Variants in REV3L observed in about 807,000 individuals in gnomAD.
REV3L encodes the protein DNA polymerase zeta catalytic subunit.
REV3L carries 69 observed loss-of-function variants against 299.4 expected under a neutral mutation model. That is an observed-to-expected ratio of 0.23 (90% CI 0.19 to 0.28). The LOEUF (loss-of-function observed/expected upper bound fraction) is 0.28, where lower values mean the gene tolerates loss of function less well. Among genes scored for constraint, REV3L ranks in the 10% least tolerant of loss-of-function variants. The pLI is 1.00. For synonymous variants in REV3L, 1,238 were observed against 1,271.4 expected (o/e 0.97, Z 0.56); for missense variants, 3,128 against 3,693.8 (o/e 0.85, Z 3.97).
intron 3 of REV3L, among the ~76,000 whole-genome samples, chr6:111,408,310 T>C (rs1165016230): frequency 6.6e-6 from 1 of 152,068 alleles, no homozygotes; most frequent in Non-Finnish European, 1.5e-5. Flanking sequence ...ATTCTTAAAA[T>C]GTTATTGAGG....
chr6:111,467,987 C>T (rs1286450657), intron 1 of REV3L, among the ~76,000 whole-genome samples: 2 of 152,144 alleles, frequency 1.3e-5, no homozygotes, highest in African/African-American at 4.8e-5. Context: ...CTAAGTTACA[C>T]AGAGTATTTT....
intron 26 of REV3L, among the ~76,000 whole-genome samples, chr6:111,316,857 T>C (rs1773590018): frequency 6.6e-6 from 1 of 152,192 alleles, no homozygotes; most frequent in Non-Finnish European, 1.5e-5. Context: ...ATCATGTTAC[T>C]TGGTAATGAA....
intron 1 of REV3L, among the ~76,000 whole-genome samples, chr6:111,432,907 C>A (rs1273666748): frequency 6.6e-6 from 1 of 152,080 alleles, no homozygotes; most frequent in Non-Finnish European, 1.5e-5. Context: ...CTTAAAAATA[C>A]ACAAACACAT....
At chr6:111,359,281 T>C (rs1778401394) in intron 16 of REV3L, among the ~76,000 whole-genome samples, 1 of 152,112 alleles carries the variant, frequency 6.6e-6, no homozygotes, top group African/African-American at 2.4e-5. Flanking sequence ...GCAGGATCTC[T>C]CAATGCCTGT....
intron 3 of REV3L, 133 bp from the exon 4 acceptor site, chr6:111,405,763 T>C (rs1783554580): frequency 1.7e-6 from 1 of 573,446 alleles, no homozygotes; most frequent in East Asian, 3.4e-5. Flanking sequence ...TACCGGAAAT[T>C]TGTATTTTGT....
chr6:111,309,436 C>A (rs546352049), intron 30 of REV3L: 1 of 153,446 alleles, frequency 6.5e-6, no homozygotes, highest in African/African-American at 2.4e-5. Flanking sequence ...CATGCCAGTG[C>A]CTCTCGGTGT....
intron 13 of REV3L, 103 bp downstream of exon 13, chr6:111,372,493 G>T: frequency 1.2e-6 from 1 of 842,766 alleles, no homozygotes; most frequent in Non-Finnish European, 1.7e-6. Flanking sequence ...CTAGCAGTCA[G>T]GTAACCAAAT....
chr6:111,394,427 G>C (rs1782259064), intron 4 of REV3L, among the ~76,000 whole-genome samples: 1 of 152,222 alleles, frequency 6.6e-6, no homozygotes. Context: ...CCGGCCATTT[G>C]TATGTCTTCT....
At chr6:111,393,193 T>G (rs544316323) in intron 4 of REV3L, among the ~76,000 whole-genome samples, 1 of 152,198 alleles carries the variant, frequency 6.6e-6, no homozygotes, top group South Asian at 2.1e-4. Context: ...AAATTTTTTT[T>G]GTATTTTTAG....
chr6:111,406,836 A>C (rs1783681541), intron 3 of REV3L, among the ~76,000 whole-genome samples: 1 of 152,192 alleles, frequency 6.6e-6, no homozygotes, highest in Non-Finnish European at 1.5e-5. Context: ...AATAATAATC[A>C]TTTTATTAAC....
At chr6:111,406,277 A>G (rs1202143537) in intron 3 of REV3L, among the ~76,000 whole-genome samples, 2 of 152,210 alleles carry the variant, frequency 1.3e-5, no homozygotes, top group Admixed American at 6.5e-5. Flanking sequence ...GCACATGTAA[A>G]GGGTCACGAG....
intron 26 of REV3L, among the ~76,000 whole-genome samples, chr6:111,320,638 T>C (rs1038847570): frequency 6.6e-6 from 1 of 152,082 alleles, no homozygotes; most frequent in Non-Finnish European, 1.5e-5. Flanking sequence ...CATACAGATG[T>C]CACTAAACGT....
At chr6:111,339,244 C>A (rs1419973506) in intron 21 of REV3L, among the ~76,000 whole-genome samples, 1 of 151,936 alleles carries the variant, frequency 6.6e-6, no homozygotes, top group Non-Finnish European at 1.5e-5. Context: ...TTAATTCTTA[C>A]TTCACTTCAT....
chr6:111,440,949 A>G lies in REV3L; in HGVS notation c.140-24477T>C, dbSNP rs1408801918. ...CTTCTTGCTTGCATTGTTTGTGAAC[A>G]GAAGTCCGATGTAATTTTTGCTTTC... is the stretch of plus-strand genomic sequence containing the variant. On this transcript the variant is annotated intron_variant, in intron 1 of 31. Transcript: ENST00000368802. 2.6e-5 allele frequency among the ~76,000 whole-genome samples: 4 copies of G among 152,264 alleles called. No homozygotes were observed. The East Asian group carries it at 5.8e-4, about 22-fold the overall frequency.
At position 111,367,602 on chromosome 6, in the gene REV3L, A is replaced by G. The variant is rs753741174; in HGVS notation, c.6186T>C (p.Thr2062=). The G allele has an allele frequency of 5.6e-6, 9 of 1,614,018 alleles. No individual in the cohort carries two copies. The highest frequency in any genetic ancestry group is 2.2e-5 in the South Asian group (2 of 91,086). The change falls in exon 14 of 32, where the codon ACT becomes ACC. Residue 2062 remains threonine (T), a synonymous_variant. Coordinates refer to ENST00000368802, the MANE Select transcript of REV3L (RefSeq NM_001372078.1). ...CAACATCCTCCTTGGTATGTGCTGTAGTGGGGAGTATACATGGACTTACAT... is the reference window on the plus strand; with the variant it reads ...CAACATCCTCCTTGGTATGTGCTGTGGTGGGGAGTATACATGGACTTACAT... ...KMDVSPCILP[T]TAHTKEDVDN...
intron 17 of REV3L, 149 bp downstream of exon 17, chr6:111,358,673 G>A (rs1312184310): frequency 3.5e-6 from 2 of 566,868 alleles, no homozygotes; most frequent in East Asian, 5.9e-5. Flanking sequence ...CTAGGACAAA[G>A]TTATACACAA....
rs529435378 is a variant in REV3L, at chr6:111,482,892, C to T, written c.-4G>A. ...TCACTATCCTTACTGAAAACATGTT[C>T]GCCGCCGCCGCCACTGCCTCCCTTC... is the stretch of plus-strand genomic sequence containing the variant. On this transcript the variant is annotated 5_prime_UTR_variant, in exon 1 of 32. Transcript: ENST00000368802. 4.2e-5 allele frequency: 63 copies of T among 1,510,542 alleles called. No homozygotes were observed. The South Asian group carries it at 7.6e-4, about 18-fold the overall frequency. 93.6% of individuals were successfully genotyped at this position (1,510,542 alleles called of 1,614,324 possible). A position where few individuals can be genotyped will look rare whatever the true frequency, so the allele number is the denominator to read the frequency against.
intron 1 of REV3L, among the ~76,000 whole-genome samples, chr6:111,466,188 A>G (rs1791492282): frequency 6.6e-6 from 1 of 152,232 alleles, no homozygotes. Flanking sequence ...TGTATTTTAA[A>G]GAAGTATTGG....
At chr6:111,371,808 C>G (rs1036472832) in intron 13 of REV3L, among the ~76,000 whole-genome samples, 1 of 152,062 alleles carries the variant, frequency 6.6e-6, no homozygotes, top group African/African-American at 2.4e-5. Flanking sequence ...AGGTGATCTG[C>G]CCCCCTCGGC....
Sources: allele counts gnomAD v4.1 joint callset (sites outside exome capture counted in the v4.1 genomes callset), GRCh38; gene constraint gnomAD v4.1.1; transcripts MANE v1.5; gene names NCBI Gene and HGNC (gene_info 2026-07-23, HGNC 2026-07-21).